GRB14: variants seen among roughly 807,000 people sequenced by gnomAD.
The protein encoded by GRB14 is growth factor receptor bound protein 14.
Under a neutral mutation model 69.1 loss-of-function variants are expected in GRB14, and 38 were observed. The observed-to-expected ratio is 0.55, with a 90% confidence interval of 0.42 to 0.72. The LOEUF is 0.72. Among genes scored for constraint, GRB14 ranks in the 30% least tolerant of loss-of-function variants. GRB14 has a pLI of 0.00. For missense variants in GRB14, 666 were observed against 666.1 expected, an observed-to-expected ratio of 1.00 and a Z score of 0.00; for synonymous variants, 247 against 241.3, an observed-to-expected ratio of 1.02 and a Z score of -0.22.
chr2:164,554,858 A>C (rs547883807), intron 2 of GRB14, among the ~76,000 whole-genome samples: 9 of 152,032 alleles, frequency 5.9e-5, no homozygotes, highest in Non-Finnish European at 1.3e-4. Context: ...AAAAAAACTA[A>C]CACAACCCAT....
At chr2:164,583,160 C>A (rs1046184622) in intron 2 of GRB14, among the ~76,000 whole-genome samples, 1 of 152,190 alleles carries the variant, frequency 6.6e-6, no homozygotes, top group Non-Finnish European at 1.5e-5. Context: ...TAATTTAACC[C>A]TGTTTATCAC....
intron 3 of GRB14, among the ~76,000 whole-genome samples, chr2:164,536,881 C>T (rs188139623): frequency 6.6e-6 from 1 of 152,298 alleles, no homozygotes; most frequent in East Asian, 1.9e-4. Flanking sequence ...ATAGTATGTC[C>T]TGTGGAAGCA....
chr2:164,567,641 T>C lies in GRB14; in HGVS notation c.325-19825A>G, dbSNP rs140849745. On this transcript the variant is annotated intron_variant, in intron 2 of 13. Transcript: ENST00000263915. ...AGTTTACTATGACTACATGACATGGTTGCATATACCACCTTGTAAAATGCA... is the reference window on the plus strand; with the variant it reads ...AGTTTACTATGACTACATGACATGGCTGCATATACCACCTTGTAAAATGCA... 3.6e-3 allele frequency among the ~76,000 whole-genome samples: 542 copies of C among 152,294 alleles called. 5 individuals are homozygous for C. Among genetic ancestry groups the C allele is most frequent in the African/African-American group, 0.012 (508 of 41,564 alleles).
At chr2:164,618,026 G>A (rs1690346579) in intron 2 of GRB14, among the ~76,000 whole-genome samples, 1 of 151,524 alleles carries the variant, frequency 6.6e-6, no homozygotes. Context: ...GAGTGCAGGG[G>A]CACAATCTCA....
chr2:164,512,395 G>A (rs916701613), intron 6 of GRB14, among the ~76,000 whole-genome samples: 5 of 152,140 alleles, frequency 3.3e-5, no homozygotes, highest in African/African-American at 1.2e-4. Flanking sequence ...TCTAACTCCT[G>A]ACCTCAGGTA....
At chr2:164,559,526 T>C (rs1688768191) in intron 2 of GRB14, among the ~76,000 whole-genome samples, 2 of 152,194 alleles carry the variant, frequency 1.3e-5, no homozygotes, top group African/African-American at 2.4e-5. Flanking sequence ...CACATATTAG[T>C]GAGAACATAT....
chr2:164,539,379 G>A (rs1324879505), intron 3 of GRB14, among the ~76,000 whole-genome samples: 2 of 152,042 alleles, frequency 1.3e-5, no homozygotes, highest in East Asian at 3.9e-4. Context: ...GGAGTCTGAG[G>A]CGCAAGAATC....
chr2:164,528,201 C>G (rs1687831268), intron 3 of GRB14, among the ~76,000 whole-genome samples: 1 of 152,068 alleles, frequency 6.6e-6, no homozygotes. Context: ...GAGTACAATA[C>G]TGTTTCTTGA....
At chr2:164,603,461 C>T (rs1439619967) in intron 2 of GRB14, among the ~76,000 whole-genome samples, 3 of 151,862 alleles carry the variant, frequency 2.0e-5, no homozygotes, top group Non-Finnish European at 2.9e-5. Context: ...GTCAGGAGTT[C>T]GAGACCAGCC....
In GRB14 at chr2:164,547,784, GCT is replaced by G; in HGVS notation, c.355_356del (p.Ser119GlnfsTer8). 1 of 1,613,378 alleles carries G rather than the reference GCT, an allele frequency of 6.2e-7. No homozygotes were observed. The highest frequency in any genetic ancestry group is 8.5e-7 in the Non-Finnish European group (1 of 1,179,540). On this transcript the variant is annotated frameshift_variant, in exon 3 of 14. Coordinates refer to ENST00000263915, the MANE Select transcript of GRB14 (RefSeq NM_004490.3). LOFTEE classifies it high-confidence loss of function. The part of the protein sequence containing the change: ...VIKVYSEDET[S>X]RALDVPSDIT... ...TGTCACTGGGTACATCTAAAGCCCT[GCT>G]GGTTTCATCTTCACTGTATACTTTA...
chr2:164,529,313 T>C (rs1687862026), intron 3 of GRB14, among the ~76,000 whole-genome samples: 1 of 152,022 alleles, frequency 6.6e-6, no homozygotes, highest in South Asian at 2.1e-4. Flanking sequence ...ATGAGAAAAT[T>C]AAAATATTTC....
At chr2:164,582,574 C>T (rs985501364) in intron 2 of GRB14, among the ~76,000 whole-genome samples, 2 of 152,112 alleles carry the variant, frequency 1.3e-5, no homozygotes, top group Non-Finnish European at 1.5e-5. Context: ...TCACCCGCCA[C>T]CATGCCTGGC....
chr2:164,549,309 C>A (rs1052466582), intron 2 of GRB14, among the ~76,000 whole-genome samples: 5 of 152,136 alleles, frequency 3.3e-5, no homozygotes, highest in African/African-American at 1.2e-4. Flanking sequence ...CACAGGTAGC[C>A]TTTTTATTAA....
intron 2 of GRB14, among the ~76,000 whole-genome samples, chr2:164,600,630 C>A (rs548911223): frequency 1.3e-5 from 2 of 152,216 alleles, no homozygotes; most frequent in South Asian, 2.1e-4. Flanking sequence ...GGGATCTGCA[C>A]TTGTATCAAA....
rs182511022 is a variant in GRB14 at position 164,543,126 on chromosome 2, C to G, written c.481+4534G>C. Among the ~76,000 whole-genome samples, 964 of 151,658 alleles carry G rather than the reference C, an allele frequency of 6.4e-3. 9 individuals are homozygous for G. The highest frequency in any genetic ancestry group is 0.022 in the African/African-American group (920 of 41,186). On this transcript the variant is annotated intron_variant, in intron 3 of 13. Coordinates refer to ENST00000263915, the MANE Select transcript of GRB14 (RefSeq NM_004490.3). ...TGGCCAACATGGTGAAACCCCATCTCTACTAAAAATAAAATTAAAAAAAAA... is the reference window on the plus strand; with the variant it reads ...TGGCCAACATGGTGAAACCCCATCTGTACTAAAAATAAAATTAAAAAAAAA...
chr2:164,518,843 C>T (rs1687559370), intron 6 of GRB14, among the ~76,000 whole-genome samples: 1 of 151,730 alleles, frequency 6.6e-6, no homozygotes, highest in Non-Finnish European at 1.5e-5. Context: ...CTGAGCAGAC[C>T]AATAACAAGC....
At chr2:164,573,456 C>T (rs1280809757) in intron 2 of GRB14, among the ~76,000 whole-genome samples, 1 of 152,168 alleles carries the variant, frequency 6.6e-6, no homozygotes, top group African/African-American at 2.4e-5. Context: ...CTATTAGTGA[C>T]CACTAGTGTG....
intron 2 of GRB14, among the ~76,000 whole-genome samples, chr2:164,584,585 TAA>T (rs1197037457): frequency 6.9e-6 from 1 of 145,700 alleles, no homozygotes; most frequent in Admixed American, 6.9e-5. Flanking sequence ...CCCTACGATG[TAA>T]AAAAAAAAAA....
intron 2 of GRB14, among the ~76,000 whole-genome samples, chr2:164,599,002 T>C (rs1159978702): frequency 6.6e-6 from 1 of 152,208 alleles, no homozygotes; most frequent in Non-Finnish European, 1.5e-5. Context: ...TAGGCAATTC[T>C]TCTGTTCTAC....
Sources: allele counts gnomAD v4.1 joint callset (sites outside exome capture counted in the v4.1 genomes callset), GRCh38; gene constraint gnomAD v4.1.1; transcripts MANE v1.5; gene names NCBI Gene and HGNC (gene_info 2026-07-23, HGNC 2026-07-21).